The following GUCY2C variants were observed in gnomAD, a reference collection of about 807,000 sequenced individuals.
GUCY2C encodes guanylate cyclase 2C, also known as guanylyl cyclase C.
Under a neutral mutation model 131.1 loss-of-function variants are expected in GUCY2C, and 118 were observed. The ratio of observed to expected loss-of-function variants is 0.90; its 90% CI spans 0.78 to 1.05. The LOEUF is 1.05. Among genes scored for constraint, GUCY2C ranks in the 50% least tolerant of loss-of-function variants. The pLI is 0.00. For synonymous variants in GUCY2C, 452 were observed against 457.8 expected (o/e 0.99, Z 0.16); for missense variants, 1,161 against 1,304.4 (o/e 0.89, Z 1.69).
At position 14,679,095 on chromosome 12, in the gene GUCY2C, C is replaced by G. The variant is rs1306074167; in HGVS notation, c.830+562G>C. ...AGGAAAAGTAATCTAGGACCAAAGG[C>G]CATTAGCAACTGAAGGAGAAAAATG... On this transcript the variant is annotated intron_variant, in intron 6 of 26. Coordinates refer to ENST00000261170, the MANE Select transcript of GUCY2C (RefSeq NM_004963.4). Among the ~76,000 whole-genome samples the G allele has an allele frequency of 2.6e-5, 4 of 152,098 alleles. No homozygotes were observed. In the East Asian group the frequency reaches 7.7e-4, roughly 29 times the overall value.
At chr12:14,685,411 T>C (rs1035199153) in intron 3 of GUCY2C, among the ~76,000 whole-genome samples, 1 of 152,126 alleles carries the variant, frequency 6.6e-6, no homozygotes, top group African/African-American at 2.4e-5. Flanking sequence ...CTCTCCAAAA[T>C]CCATTGCAAG....
Position 14,679,716 on chromosome 12 carries a change from C to G in GUCY2C, c.771G>C (p.Lys257Asn), listed in dbSNP as rs373438685. 2.5e-5 allele frequency: 40 copies of G among 1,599,242 alleles called. No homozygotes were observed. Among genetic ancestry groups the G allele is most frequent in the Non-Finnish European group, 6.9e-6 (8 of 1,166,666 alleles). The change falls in exon 6 of 27, where the codon AAG (lysine) becomes AAC (asparagine). Residue 257 changes from lysine (K) to asparagine (N), a missense_variant. By Grantham distance (94) the Lys-to-Asn change is moderately conservative. Transcript: ENST00000261170. ...IMCGGPEFLYKLKGDRAVAED... is the reference protein window; with the variant it reads ...IMCGGPEFLYNLKGDRAVAED... ...CAGCCACTGCTCGGTCACCCTTCAG[C>G]TTGTAGAGGAACTCTGGACCACCAC...
Position 14,688,001 on chromosome 12 carries a change from C to T in GUCY2C, c.280G>A (p.Asp94Asn), listed in dbSNP as rs773911480. The T allele has an allele frequency of 9.3e-6, 15 of 1,613,590 alleles. No homozygotes were observed. Among genetic ancestry groups the T allele is most frequent in the South Asian group, 2.2e-5 (2 of 91,068 alleles). ...CCTTCACAGGTGCTACTCCGGCAGT[C>T]GCCTGAGTTATGAATCAGACCATCC... ...YSDGLIHNSG[D>N]CRSSTCEGLD... The change falls in exon 2 of 27, where the codon GAC becomes AAC. Residue 94 changes from aspartate (D) to asparagine (N), a missense_variant. By Grantham distance (23) the Asp-to-Asn change is conservative. Coordinates refer to ENST00000261170, the MANE Select transcript of GUCY2C (RefSeq NM_004963.4).
intron 22 of GUCY2C, 100 bp from the exon 23 acceptor site, chr12:14,621,316 G>A: frequency 1.1e-5 from 11 of 977,620 alleles, no homozygotes; most frequent in East Asian, 2.4e-5. Flanking sequence ...AGTGATTTGG[G>A]AACACAGTAT....
chr12:14,660,196 T>G (rs1947840219), intron 11 of GUCY2C, among the ~76,000 whole-genome samples: 1 of 152,182 alleles, frequency 6.6e-6, no homozygotes. Context: ...CAGATAAAAC[T>G]GTTGTCTTGT....
chr12:14,689,201 T>C (rs1218580929), intron 1 of GUCY2C, among the ~76,000 whole-genome samples: 2 of 152,104 alleles, frequency 1.3e-5, no homozygotes, highest in African/African-American at 4.8e-5. Flanking sequence ...GCATTTAGGA[T>C]GTATTTTGAA....
Position 14,616,730 on chromosome 12 carries a change from GGA to G in GUCY2C, c.2876-5_2876-4del. 6.3e-7 allele frequency: 1 copy of G among 1,575,260 alleles called. No homozygotes were observed. The highest frequency in any genetic ancestry group is 1.3e-5 in the African/African-American group (1 of 74,214). ...GCCACTCACGTGAATTCTCAAAGCT[GGA>G]AATGCAAATTGACAAATAAAAATCC... On this transcript the variant is annotated splice_region_variant and splice_polypyrimidine_tract_variant and intron_variant, in intron 24 of 26. Coordinates refer to ENST00000261170, the MANE Select transcript of GUCY2C (RefSeq NM_004963.4).
Position 14,674,674 on chromosome 12 carries a change from A to G in GUCY2C, c.1035T>C (p.Asn345=). ...CATGAGCAAATTTGGGGGTGGTAAT[A>G]TTTTCTCCATTTTCAAGAAATATCT... ...MLKIFLENGE[N]ITTPKFAHAF... Residue 345 remains asparagine (N), a synonymous_variant, in exon 8 of 27, where the codon AAT becomes AAC. Coordinates refer to ENST00000261170, the MANE Select transcript of GUCY2C (RefSeq NM_004963.4). The G allele has an allele frequency of 6.2e-7, 1 of 1,613,124 alleles. No homozygotes were observed. Among genetic ancestry groups the G allele is most frequent in the African/African-American group, 1.3e-5 (1 of 75,020 alleles).
intron 21 of GUCY2C, among the ~76,000 whole-genome samples, chr12:14,624,658 A>C (rs1946969727): frequency 6.6e-6 from 1 of 152,184 alleles, no homozygotes; most frequent in Non-Finnish European, 1.5e-5. Flanking sequence ...CTTGCGCATA[A>C]AATTTTTACA....
intron 26 of GUCY2C, among the ~76,000 whole-genome samples, chr12:14,614,037 C>T (rs1017342364): frequency 6.6e-6 from 1 of 152,086 alleles, no homozygotes; most frequent in African/African-American, 2.4e-5. Context: ...GGGGCAGGTC[C>T]TGTTTTCATC....
At chr12:14,685,951 A>T (rs1948459635) in intron 3 of GUCY2C, among the ~76,000 whole-genome samples, 1 of 152,172 alleles carries the variant, frequency 6.6e-6, no homozygotes, top group Non-Finnish European at 1.5e-5. Flanking sequence ...TCAAGGTCAG[A>T]TGTTAATGAC....
chr12:14,644,055 T>C (rs1173664451), intron 16 of GUCY2C, among the ~76,000 whole-genome samples: 1 of 152,240 alleles, frequency 6.6e-6, no homozygotes, highest in Non-Finnish European at 1.5e-5. Context: ...GGTCCTGTTT[T>C]ACATGAATTT....
intron 10 of GUCY2C, among the ~76,000 whole-genome samples, chr12:14,668,517 C>G (rs1309788521): frequency 6.6e-6 from 1 of 151,836 alleles, no homozygotes; most frequent in Non-Finnish European, 1.5e-5. Flanking sequence ...GTTGCCCAGG[C>G]TATCTTGAAC....
intron 20 of GUCY2C, among the ~76,000 whole-genome samples, chr12:14,626,856 T>C (rs1259965535): frequency 6.6e-6 from 1 of 152,230 alleles, no homozygotes; most frequent in Non-Finnish European, 1.5e-5. Flanking sequence ...TCTTGCTTTC[T>C]TATTTGTATT....
rs569155831 is a variant in GUCY2C, at chr12:14,648,150, C to T, written c.1711-2835G>A. ...TAATTTTTTGTATTTTTATTAGAGA[C>T]GGGGTTTCACTATGTTGGCCAGGCT... On this transcript the variant is annotated intron_variant, in intron 15 of 26. Transcript: ENST00000261170. Among the ~76,000 whole-genome samples the T allele has an allele frequency of 1.8e-4, 27 of 151,648 alleles. No individual in the cohort carries two copies. In the East Asian group the frequency reaches 2.1e-3, roughly 12 times the overall value.
chr12:14,667,805 CTTAACAGT>C (rs997100691), intron 10 of GUCY2C, among the ~76,000 whole-genome samples: 6 of 152,106 alleles, frequency 3.9e-5, no homozygotes, highest in Non-Finnish European at 7.4e-5. Flanking sequence ...GGACACCACT[CTTAACAGT>C]TTAACATATT....
chr12:14,684,852 A>G (rs1050269274), intron 3 of GUCY2C, among the ~76,000 whole-genome samples: 2 of 151,416 alleles, frequency 1.3e-5, no homozygotes, highest in Non-Finnish European at 2.9e-5. Context: ...TTATTTTTAA[A>G]CTTTCTGGAG....
At position 14,682,291 on chromosome 12, in the gene GUCY2C, G is replaced by T. The variant is rs139758010; in HGVS notation, c.611+751C>A. Among the ~76,000 whole-genome samples, 584 of 152,222 alleles carry T rather than the reference G, an allele frequency of 3.8e-3. 9 individuals carry two copies. Among genetic ancestry groups the T allele is most frequent in the African/African-American group, 0.013 (552 of 41,534 alleles). On this transcript the variant is annotated intron_variant, in intron 4 of 26. Transcript: ENST00000261170. Reference sequence around the variant, plus strand: ...CCAGGTGGAGGTAATTGAACCATGGGGGTGGTTTCCCCCATGCTGTTCTCA... The same window carrying T: ...CCAGGTGGAGGTAATTGAACCATGGTGGTGGTTTCCCCCATGCTGTTCTCA...
In GUCY2C at chr12:14,647,939, T is replaced by C. The variant is rs1158567262; in HGVS notation, c.1711-2624A>G. ...ATTTTCTAGGAAAACAATCATATCA[T>C]CTTTTTACTTATTTATTTATTTATT... On this transcript the variant is annotated intron_variant, in intron 15 of 26. Transcript: ENST00000261170. Among the ~76,000 whole-genome samples the C allele has an allele frequency of 7.4e-5, 8 of 108,184 alleles. No individual in the cohort carries two copies. In the East Asian group the frequency reaches 1.3e-3, roughly 18 times the overall value. The allele number at this position is 108,184 out of a possible 152,430, so 71.0% of individuals were successfully genotyped here.
Sources: gnomAD v4.1 joint callset for allele counts (sites outside exome capture counted in the v4.1 genomes callset) on GRCh38, gnomAD v4.1.1 for gene constraint, MANE v1.5 for transcripts, NCBI Gene and HGNC (gene_info 2026-07-23, HGNC 2026-07-21) for gene names.